DOK7: variants seen among roughly 807,000 people sequenced by gnomAD.
DOK7 encodes docking protein 7.
In DOK7, 32 loss-of-function variants were observed where a neutral mutation model predicts 30.7. The ratio of observed to expected loss-of-function variants is 1.04; its 90% confidence interval spans 0.79 to 1.40. DOK7 has a LOEUF of 1.40. Ranked by LOEUF, DOK7 falls within the 40% of genes most tolerant of loss-of-function variation. The pLI is 0.00. For synonymous variants in DOK7, 447 were observed against 324.1 expected, an observed-to-expected ratio of 1.38 and a Z score of -4.07; for missense variants, 1,007 against 699.2, an observed-to-expected ratio of 1.44 and a Z score of -4.97.
intron 2 of DOK7, among the ~76,000 whole-genome samples, chr4:3,466,650 CAG>C (rs1373360747): frequency 1.3e-5 from 2 of 152,230 alleles, no homozygotes; most frequent in Admixed American, 6.5e-5. Context: ...GACAGGGAAT[CAG>C]AGAGCTGGGG....
At chr4:3,490,493 C>T (rs116733259) in intron 6 of DOK7, among the ~76,000 whole-genome samples, 2,013 of 109,918 alleles carry the variant, frequency 0.018, 9 homozygotes, top group African/African-American at 0.051. Flanking sequence ...TTCATTCCTT[C>T]CTTTTCCCCC....
chr4:3,490,769 C>T (rs1201607539), intron 6 of DOK7, among the ~76,000 whole-genome samples: 6 of 97,268 alleles, frequency 6.2e-5, no homozygotes, highest in African/African-American at 2.6e-4. Flanking sequence ...TTCCTTCTTT[C>T]CTTCTCCCCC....
chr4:3,486,300 C>T (rs541353428), intron 5 of DOK7, among the ~76,000 whole-genome samples: 2 of 152,236 alleles, frequency 1.3e-5, no homozygotes, highest in African/African-American at 2.4e-5. Context: ...CAGGTCGGGG[C>T]GGGTGCTGGG....
chr4:3,471,249 G>T (rs1168780175), intron 2 of DOK7, among the ~76,000 whole-genome samples: 1 of 152,254 alleles, frequency 6.6e-6, no homozygotes, highest in Non-Finnish European at 1.5e-5. Flanking sequence ...ACACCTTCCT[G>T]CAGATGGTCC....
intron 4 of DOK7, chr4:3,484,907 G>T (rs761862998): frequency 8.1e-6 from 8 of 983,324 alleles, no homozygotes; most frequent in Non-Finnish European, 9.7e-6. Flanking sequence ...GGGGAAGGAA[G>T]TGTGGTCACA....
Position 3,489,772 on chromosome 4 carries a change from C to A in DOK7, c.748C>A (p.His250Asn). Residue 250 changes from histidine (H) to asparagine (N), a missense_variant, in exon 6 of 7, where the codon CAT becomes AAT. By Grantham distance (68) the His-to-Asn change is moderately conservative. Transcript: ENST00000340083. ...GGAGAAGCGGCTGAGCCTCCTCTCA[C>A]ATGCGGGCAGGCCGGGCAGTGGAGG... Reference protein sequence around the residue: ...QLEKRLSLLSHAGRPGSGGDD... With the variant: ...QLEKRLSLLSNAGRPGSGGDD... 2 of 1,573,902 alleles carry A rather than the reference C, an allele frequency of 1.3e-6. No individual in the cohort carries two copies. Among genetic ancestry groups the A allele is most frequent in the Non-Finnish European group, 1.7e-6 (2 of 1,159,394 alleles).
rs2699407 is a variant in DOK7, at chr4:3,501,071, T to C, written c.*246T>C. 402,360 of 559,504 alleles carry C rather than the reference T, an allele frequency of 0.72. 146,519 individuals are homozygous for C. Among genetic ancestry groups the C allele is most frequent in the East Asian group, 0.93 (28,755 of 30,914 alleles). 34.7% of individuals were successfully genotyped at this position (559,504 alleles called of 1,614,324 possible). A position where few individuals can be genotyped will look rare whatever the true frequency, so the allele number is the denominator to read the frequency against. On this transcript the variant is annotated 3_prime_UTR_variant, in exon 8 of 8. Transcript: ENST00000643608. ...GAAAGAGTTGCTCTGGACCCCAGGC[T>C]GACTGAGGCCCTGCTTCCAGGCATC...
At chr4:3,476,656 A>G (rs1165365682) in intron 4 of DOK7, 114 bp downstream of exon 4, 1 of 1,371,378 alleles carries the variant, frequency 7.3e-7, no homozygotes, top group South Asian at 1.2e-5. Context: ...TGGCATTTCC[A>G]GAATGCGCCG....
intron 6 of DOK7, among the ~76,000 whole-genome samples, 195 bp downstream of exon 6, chr4:3,489,991 CCCTGCTCATTCCTTCCTTCTCCT>C (rs1358169295): frequency 3.6e-5 from 5 of 140,126 alleles, no homozygotes; most frequent in Non-Finnish European, 7.7e-5. Context: ...TTCCCCACCA[CCCTGCTCATTCCTTCCTTCTCCT>C]CCTGCTCATT....
chr4:3,478,365 C>G (rs1042187912), intron 4 of DOK7, among the ~76,000 whole-genome samples: 1 of 152,230 alleles, frequency 6.6e-6, no homozygotes, highest in Non-Finnish European at 1.5e-5. Flanking sequence ...GTGCTTCTCC[C>G]CAGGGCGAGG....
chr4:3,488,904 G>A (rs1046538428), intron 5 of DOK7, among the ~76,000 whole-genome samples: 1 of 152,014 alleles, frequency 6.6e-6, no homozygotes, highest in Non-Finnish European at 1.5e-5. Flanking sequence ...ACTTGGCCCA[G>A]TGTTCACATC....
At chr4:3,465,607 G>A (rs1301709088) in intron 2 of DOK7, among the ~76,000 whole-genome samples, 2 of 152,208 alleles carry the variant, frequency 1.3e-5, no homozygotes, top group African/African-American at 2.4e-5. Flanking sequence ...TTTCTCAATC[G>A]TGAGCACGTC....
chr4:3,493,386 C>G lies in DOK7; in HGVS notation c.1400C>G (p.Pro467Arg). The change falls in exon 7 of 7, where the codon CCT (proline) becomes CGT (arginine). Residue 467 changes from proline (P) to arginine (R), a missense_variant. Physicochemically the swap from Pro to Arg is moderately radical, Grantham distance 103. Coordinates refer to ENST00000340083, the MANE Select transcript of DOK7 (RefSeq NM_173660.5). ...EAPQGSEATL[P>R]GPAPGEPWEA... is the part of the protein sequence containing the mutation. ...CCCCAGGGCAGCGAGGCCACACTGC[C>G]TGGCCCTGCCCCTGGCGAGCCCTGG... 1 of 1,594,772 alleles carries G rather than the reference C, an allele frequency of 6.3e-7. No homozygotes were observed.
chr4:3,484,803 C>G (rs926094394), intron 4 of DOK7: 1 of 985,402 alleles, frequency 1.0e-6, no homozygotes, highest in East Asian at 1.1e-4. Flanking sequence ...GGGGAGGACG[C>G]GGTGCTGGCC....
At chr4:3,476,263 A>AT in intron 3 of DOK7, 79 bp from the exon 4 acceptor site, 1 of 318,142 alleles carries the variant, frequency 3.1e-6, no homozygotes, top group South Asian at 2.9e-5. Context: ...CCCGCCCGTG[A>AT]TGCCCTCTCA....
rs540204919 is a variant in DOK7 at position 3,474,394 on chromosome 4, T to C, written c.331+758T>C. On this transcript the variant is annotated intron_variant, in intron 3 of 6. Transcript: ENST00000340083. ...TGCCCTCCCTTTAAAAACTTGCTAT[T>C]TTAGGCTGGGCACGGTGGCTCATAC... Among the ~76,000 whole-genome samples, 197 of 152,266 alleles carry C rather than the reference T, an allele frequency of 1.3e-3. 1 individual carries two copies. Among genetic ancestry groups the C allele is most frequent in the African/African-American group, 4.6e-3 (190 of 41,556 alleles).
intron 2 of DOK7, among the ~76,000 whole-genome samples, chr4:3,463,841 C>T (rs1261534991): frequency 6.6e-6 from 1 of 152,140 alleles, no homozygotes; most frequent in Non-Finnish European, 1.5e-5. Context: ...AGCAAGGGGC[C>T]CCCCAGAAGC....
At chr4:3,498,208 C>T (rs1053284048), downstream of DOK7, among the ~76,000 whole-genome samples, 4 of 152,228 alleles carry the variant, frequency 2.6e-5, no homozygotes, top group African/African-American at 7.2e-5. Context: ...GTACTGGAAG[C>T]GATGCTCACA....
At chr4:3,477,907 G>A (rs73793921) in intron 4 of DOK7, among the ~76,000 whole-genome samples, 1,733 of 152,288 alleles carry the variant, frequency 0.011, 34 homozygotes, top group African/African-American at 0.039. Flanking sequence ...CCCTCCCTGC[G>A]GCAGGCCAGA....
Sources: gnomAD v4.1 joint callset for allele counts (sites outside exome capture counted in the v4.1 genomes callset) on GRCh38, gnomAD v4.1.1 for gene constraint, MANE v1.5 for transcripts, NCBI Gene and HGNC (gene_info 2026-07-23, HGNC 2026-07-21) for gene names.